KIAA0825: variants seen among roughly 807,000 people sequenced by gnomAD.
KIAA0825 encodes uncharacterized protein KIAA0825.
Under a neutral mutation model 147.6 loss-of-function variants are expected in KIAA0825, and 119 were observed. The observed-to-expected ratio is 0.81, with a 90% CI of 0.69 to 0.94. KIAA0825 has a LOEUF of 0.94. Ranked by LOEUF, KIAA0825 falls within the 40% of genes least tolerant of loss-of-function variation. The pLI is 0.00. For missense variants in KIAA0825, 1,381 were observed against 1,472.7 expected (o/e 0.94, Z 1.02); for synonymous variants, 470 against 518.1 (o/e 0.91, Z 1.26).
intron 3 of KIAA0825, among the ~76,000 whole-genome samples, chr5:94,528,772 A>G (rs1335471096): frequency 6.6e-6 from 1 of 151,100 alleles, no homozygotes; most frequent in Non-Finnish European, 1.5e-5. Context: ...ACAATCAAGA[A>G]TAAGTAAATG....
At chr5:94,162,712 T>TC (rs1767694958) in intron 20 of KIAA0825, among the ~76,000 whole-genome samples, 1 of 152,198 alleles carries the variant, frequency 6.6e-6, no homozygotes, top group Admixed American at 6.5e-5. Flanking sequence ...ACCTGTTCTG[T>TC]CCCCTACTCA....
chr5:94,474,897 G>C lies in KIAA0825; in HGVS notation c.1228-1378C>G, dbSNP rs1236893012. On this transcript the variant is annotated intron_variant, in intron 7 of 20. Transcript: ENST00000682413. ...GAGGTCAGGAGATGGAGACCATCCT[G>C]GCTAACACGGTGAAACCCGGTCTCT... Among the ~76,000 whole-genome samples the C allele has an allele frequency of 2.0e-5, 3 of 152,166 alleles. No homozygotes were observed. In the East Asian group the frequency reaches 5.8e-4, roughly 29 times the overall value.
At chr5:94,437,921 A>C (rs1159154761) in intron 14 of KIAA0825, among the ~76,000 whole-genome samples, 1 of 152,194 alleles carries the variant, frequency 6.6e-6, no homozygotes, top group Non-Finnish European at 1.5e-5. Flanking sequence ...CTGATTGGCC[A>C]AGCACTGTTT....
intron 20 of KIAA0825, among the ~76,000 whole-genome samples, chr5:94,371,488 A>C (rs1217104518): frequency 6.6e-6 from 1 of 152,152 alleles, no homozygotes; most frequent in Admixed American, 6.5e-5. Context: ...ATCATGATGG[A>C]AGGGGAAGCA....
rs150173891 is a variant in KIAA0825 at position 94,572,224 on chromosome 5, C to A, written c.-2+10209G>T. Among the ~76,000 whole-genome samples, 262 of 152,290 alleles carry A rather than the reference C, an allele frequency of 1.7e-3. 1 individual carries two copies. Among genetic ancestry groups the A allele is most frequent in the Non-Finnish European group, 2.8e-3 (193 of 68,014 alleles). On this transcript the variant is annotated intron_variant, in intron 2 of 20. Coordinates refer to ENST00000682413, the MANE Select transcript of KIAA0825 (RefSeq NM_001145678.3). ...GGGCACGGGCACATCAACTGGCCAG[C>A]AGGGCTGGCAGCATTAAGTACTTCT...
chr5:94,242,558 C>T (rs1482875443), intron 20 of KIAA0825, among the ~76,000 whole-genome samples: 3 of 151,118 alleles, frequency 2.0e-5, no homozygotes, highest in Non-Finnish European at 4.4e-5. Flanking sequence ...TCTTTCCTTC[C>T]TTCCTACCTT....
At chr5:94,266,955 A>C (rs1300354614) in intron 20 of KIAA0825, among the ~76,000 whole-genome samples, 2 of 152,186 alleles carry the variant, frequency 1.3e-5, no homozygotes, top group Non-Finnish European at 2.9e-5. Context: ...GAACCACTAA[A>C]GTAGATGTTC....
At chr5:94,207,510 G>A (rs1343388551) in intron 20 of KIAA0825, among the ~76,000 whole-genome samples, 1 of 152,108 alleles carries the variant, frequency 6.6e-6, no homozygotes, top group African/African-American at 2.4e-5. Flanking sequence ...ACAGATAAAG[G>A]ACCATTCTTC....
chr5:94,548,665 A>G (rs1477039045), intron 2 of KIAA0825, among the ~76,000 whole-genome samples: 1 of 152,178 alleles, frequency 6.6e-6, no homozygotes, highest in Non-Finnish European at 1.5e-5. Context: ...TCCTGCCTAC[A>G]AGAAATACAT....
chr5:94,469,937 G>A lies in KIAA0825; in HGVS notation c.1872+24C>T, dbSNP rs1261484230. 4 of 1,522,206 alleles carry A rather than the reference G, an allele frequency of 2.6e-6. No homozygotes were observed. In the African/African-American group the frequency reaches 4.2e-5, roughly 16 times the overall value. The allele number at this position is 1,522,206 out of a possible 1,614,324, so 94.3% of individuals were successfully genotyped here. ...GTAAAACATATTTGTGTAAAAAGGA[G>A]GGATAGTAAACTTAACTTCACACCT... On this transcript the variant is annotated intron_variant, in intron 10 of 20. Transcript: ENST00000682413.
intron 15 of KIAA0825, among the ~76,000 whole-genome samples, chr5:94,410,621 A>G (rs1471112329): frequency 6.6e-6 from 1 of 152,248 alleles, no homozygotes; most frequent in Non-Finnish European, 1.5e-5. Context: ...ATAAAAGGAA[A>G]CAGATACTGT....
chr5:94,535,562 A>G (rs547031010), intron 3 of KIAA0825, among the ~76,000 whole-genome samples: 2 of 148,296 alleles, frequency 1.3e-5, no homozygotes, highest in African/African-American at 2.5e-5. Context: ...CCATGTATCT[A>G]TTCCTCGGAA....
intron 20 of KIAA0825, among the ~76,000 whole-genome samples, chr5:94,219,571 T>A (rs548367079): frequency 6.6e-6 from 1 of 152,164 alleles, no homozygotes; most frequent in African/African-American, 2.4e-5. Flanking sequence ...TCATTGAACA[T>A]CATATAGAGT....
chr5:94,552,903 G>C (rs890469840), intron 2 of KIAA0825, among the ~76,000 whole-genome samples: 1 of 152,166 alleles, frequency 6.6e-6, no homozygotes, highest in South Asian at 2.1e-4. Flanking sequence ...TTTGTTAAAG[G>C]ACACAAAATT....
intron 20 of KIAA0825, among the ~76,000 whole-genome samples, chr5:94,336,402 C>T (rs2150311371): frequency 6.6e-6 from 1 of 151,650 alleles, no homozygotes; most frequent in African/African-American, 2.4e-5. Flanking sequence ...TAATGCTATC[C>T]CTCCCCTAGC....
At chr5:94,366,866 C>T (rs897792538) in intron 20 of KIAA0825, among the ~76,000 whole-genome samples, 2 of 152,178 alleles carry the variant, frequency 1.3e-5, no homozygotes, top group South Asian at 2.1e-4. Flanking sequence ...TAACTTGATG[C>T]GTCCACCTTA....
chr5:94,593,669 AT>A, intron 1 of KIAA0825: 1 of 413,890 alleles, frequency 2.4e-6, no homozygotes, highest in South Asian at 2.6e-5. Context: ...GAAAGCAGAA[AT>A]TCATGTCTGA....
In KIAA0825 at chr5:94,294,465, C is replaced by T. The variant is rs142758038; in HGVS notation, c.3710+89903G>A. Among the ~76,000 whole-genome samples, 1,061 of 152,332 alleles carry T rather than the reference C, an allele frequency of 7.0e-3. 19 individuals are homozygous for T. The highest frequency in any genetic ancestry group is 0.023 in the African/African-American group (969 of 41,586). ...AATGTTGGCTGGGCATTGTGGCTCA[C>T]ACCTGTAATCCCAGCACTTTGGGAG... On this transcript the variant is annotated intron_variant, in intron 20 of 20. Transcript: ENST00000682413.
intron 12 of KIAA0825, among the ~76,000 whole-genome samples, chr5:94,454,981 G>T (rs1186614012): frequency 6.6e-6 from 1 of 152,126 alleles, no homozygotes; most frequent in Non-Finnish European, 1.5e-5. Context: ...GGGAAACGAA[G>T]AAGCTTAGGA....
Sources: allele counts gnomAD v4.1 joint callset (sites outside exome capture counted in the v4.1 genomes callset), GRCh38; gene constraint gnomAD v4.1.1; transcripts MANE v1.5; gene names NCBI Gene and HGNC (gene_info 2026-07-23, HGNC 2026-07-21).